The following LRMDA variants were observed in gnomAD, a reference collection of about 807,000 sequenced individuals.
LRMDA encodes leucine rich melanocyte differentiation associated, also known as leucine-rich melanocyte differentiation-associated protein.
Under a neutral mutation model 29.8 loss-of-function variants are expected in LRMDA, and 18 were observed. The ratio of observed to expected loss-of-function variants is 0.60; its 90% CI spans 0.42 to 0.90. LRMDA has a LOEUF of 0.90. Ranked by LOEUF, LRMDA falls within the 40% of genes least tolerant of loss-of-function variation. The pLI is 0.00. For synonymous variants in LRMDA, 125 were observed against 109.4 expected (o/e 1.14, Z -0.89); for missense variants, 273 against 273.9 (o/e 1.00, Z 0.02).
At chr10:75,960,682 C>T (rs112728604) in intron 2 of LRMDA, among the ~76,000 whole-genome samples, 2,525 of 152,258 alleles carry the variant, frequency 0.017, 78 homozygotes, top group African/African-American at 0.057. Flanking sequence ...GGCATGATCT[C>T]GGCTCACTGC....
intron 2 of LRMDA, among the ~76,000 whole-genome samples, chr10:76,017,245 AG>A (rs1440403699): frequency 6.6e-6 from 1 of 152,162 alleles, no homozygotes; most frequent in Non-Finnish European, 1.5e-5. Context: ...CTGGGCCAGA[AG>A]CCACACGAAG....
chr10:75,587,737 T>C (rs1227577937), intron 2 of LRMDA, among the ~76,000 whole-genome samples: 2 of 152,226 alleles, frequency 1.3e-5, no homozygotes, highest in Non-Finnish European at 2.9e-5. Flanking sequence ...TGTGAGAAGC[T>C]GGAAGATGGG....
intron 5 of LRMDA, among the ~76,000 whole-genome samples, chr10:76,059,792 G>A (rs1343775210): frequency 1.3e-5 from 2 of 152,176 alleles, no homozygotes; most frequent in Non-Finnish European, 2.9e-5. Context: ...CAGACCTCAG[G>A]CCACTTTCTT....
chr10:76,009,590 G>A (rs536186923), intron 2 of LRMDA, among the ~76,000 whole-genome samples: 40 of 152,258 alleles, frequency 2.6e-4, no homozygotes, highest in East Asian at 7.7e-4. Flanking sequence ...GACTCTCTGC[G>A]TTACCTTCCA....
chr10:75,835,883 C>T (rs780813967), intron 2 of LRMDA, among the ~76,000 whole-genome samples: 2 of 152,164 alleles, frequency 1.3e-5, no homozygotes, highest in Admixed American at 6.5e-5. Context: ...AATGGTGCTG[C>T]AGTTCAGTGC....
chr10:76,095,938 G>A (rs1181843315), intron 5 of LRMDA, among the ~76,000 whole-genome samples: 3 of 148,024 alleles, frequency 2.0e-5, no homozygotes, highest in East Asian at 2.0e-4. Flanking sequence ...GCGAGACTCC[G>A]TCTCAGAAAA....
chr10:75,912,593 G>C (rs72811485), intron 2 of LRMDA, among the ~76,000 whole-genome samples: 4 of 152,042 alleles, frequency 2.6e-5, no homozygotes, highest in African/African-American at 9.7e-5. Context: ...TGTAGTTCAG[G>C]GTACATTAGG....
intron 2 of LRMDA, among the ~76,000 whole-genome samples, chr10:75,784,283 A>G (rs1843434428): frequency 6.6e-6 from 1 of 152,250 alleles, no homozygotes; most frequent in South Asian, 2.1e-4. Flanking sequence ...GGATAGTAAT[A>G]GGGTTATCTT....
At chr10:76,227,390 T>C (rs1024122086) in intron 5 of LRMDA, among the ~76,000 whole-genome samples, 1 of 152,222 alleles carries the variant, frequency 6.6e-6, no homozygotes, top group African/African-American at 2.4e-5. Context: ...CTCTGTTTTT[T>C]CTTCCTTCCT....
chr10:76,461,575 G>A (rs915449857), intron 6 of LRMDA, among the ~76,000 whole-genome samples: 1 of 152,148 alleles, frequency 6.6e-6, no homozygotes, highest in Admixed American at 6.5e-5. Context: ...TTTGTTTTCA[G>A]AATGCAACAA....
At chr10:75,504,979 A>G (rs899522667) in intron 2 of LRMDA, among the ~76,000 whole-genome samples, 13 of 152,088 alleles carry the variant, frequency 8.5e-5, no homozygotes, top group Admixed American at 7.9e-4. Context: ...TTGCAGTGAG[A>G]TGGAGTACAG....
At chr10:76,148,263 G>T (rs958596867) in intron 5 of LRMDA, among the ~76,000 whole-genome samples, 1 of 152,214 alleles carries the variant, frequency 6.6e-6, no homozygotes, top group Non-Finnish European at 1.5e-5. Flanking sequence ...CTTTTTGTTT[G>T]TCTGTGCCCT....
intron 6 of LRMDA, among the ~76,000 whole-genome samples, chr10:76,362,237 G>A (rs1420108284): frequency 6.6e-6 from 1 of 152,160 alleles, no homozygotes; most frequent in African/African-American, 2.4e-5. Flanking sequence ...GACATTCAAG[G>A]CACAAATGTG....
chr10:75,691,972 G>A (rs996867786), intron 2 of LRMDA, among the ~76,000 whole-genome samples: 14 of 151,938 alleles, frequency 9.2e-5, no homozygotes, highest in African/African-American at 3.4e-4. Flanking sequence ...GCTCCCAAAG[G>A]CAGGAAGACC....
At chr10:75,486,564 G>C (rs1240428753) in intron 2 of LRMDA, among the ~76,000 whole-genome samples, 2 of 152,120 alleles carry the variant, frequency 1.3e-5, no homozygotes, top group East Asian at 3.9e-4. Context: ...GGATGAGGAA[G>C]GAAAGCTTTA....
chr10:75,488,510 T>G (rs971667720), intron 2 of LRMDA, among the ~76,000 whole-genome samples: 3 of 152,198 alleles, frequency 2.0e-5, no homozygotes, highest in Non-Finnish European at 4.4e-5. Context: ...ACCCTTCCCT[T>G]TGTGCAGAGG....
intron 2 of LRMDA, among the ~76,000 whole-genome samples, chr10:75,525,480 A>G (rs1845402840): frequency 6.6e-6 from 1 of 152,120 alleles, no homozygotes; most frequent in Non-Finnish European, 1.5e-5. Flanking sequence ...TCCAGTATGT[A>G]GAGTTCTGAA....
intron 2 of LRMDA, among the ~76,000 whole-genome samples, chr10:75,852,493 T>C (rs1460510700): frequency 6.6e-6 from 1 of 151,988 alleles, no homozygotes; most frequent in African/African-American, 2.4e-5. Context: ...TTTAAAGTTC[T>C]GAATTTGAGA....
intron 5 of LRMDA, among the ~76,000 whole-genome samples, chr10:76,221,176 G>A (rs1415798495): frequency 1.3e-5 from 2 of 151,900 alleles, no homozygotes; most frequent in South Asian, 2.1e-4. Flanking sequence ...TACTGAATGG[G>A]CAAAAACTGG....
Sources: gnomAD v4.1 joint callset for allele counts (sites outside exome capture counted in the v4.1 genomes callset) on GRCh38, gnomAD v4.1.1 for gene constraint, MANE v1.5 for transcripts, NCBI Gene and HGNC (gene_info 2026-07-23, HGNC 2026-07-21) for gene names.